Variants in NCOA7 observed in about 807,000 individuals in gnomAD.
NCOA7 encodes 140 kDa estrogen receptor-associated protein.
A neutral mutation model predicts 104.3 loss-of-function variants in NCOA7; 45 were observed. The observed-to-expected ratio is 0.43, with a 90% CI of 0.34 to 0.55. The LOEUF is 0.55. Ranked by LOEUF, NCOA7 falls within the 20% of genes least tolerant of loss-of-function variation. The pLI is 0.02. For synonymous variants in NCOA7, 398 were observed against 402.3 expected (o/e 0.99, Z 0.13); for missense variants, 1,041 against 1,119.7 (o/e 0.93, Z 1.00).
At chr6:125,900,065 C>T in intron 10 of NCOA7, 1 of 532,156 alleles carries the variant, frequency 1.9e-6, no homozygotes, top group Non-Finnish European at 3.9e-6. Flanking sequence ...TAAATGCCTG[C>T]AGGGGCTGTG....
chr6:125,869,942 G>A (rs905859069), intron 3 of NCOA7, among the ~76,000 whole-genome samples: 4 of 152,214 alleles, frequency 2.6e-5, no homozygotes, highest in African/African-American at 4.8e-5. Context: ...CCACAAATGT[G>A]TAGTAATTTG....
At chr6:125,887,244 G>A (rs1335979400) in intron 8 of NCOA7, among the ~76,000 whole-genome samples, 1 of 152,204 alleles carries the variant, frequency 6.6e-6, no homozygotes, top group Non-Finnish European at 1.5e-5. Context: ...TATTAATCAA[G>A]TATGTGGAAA....
chr6:125,888,804 A>ACC (rs1784426035), intron 8 of NCOA7, 135 bp from the exon 9 acceptor site: 1 of 542,528 alleles, frequency 1.8e-6, no homozygotes, highest in South Asian at 3.7e-5. Flanking sequence ...AATCATTTGA[A>ACC]CATAAATTTA....
intron 10 of NCOA7, among the ~76,000 whole-genome samples, chr6:125,910,233 C>A (rs905033507): frequency 6.6e-6 from 1 of 152,112 alleles, no homozygotes; most frequent in African/African-American, 2.4e-5. Flanking sequence ...AACACTGAGG[C>A]CTGGCTGATA....
chr6:125,809,620 G>C (rs1053267468), intron 1 of NCOA7, among the ~76,000 whole-genome samples: 9 of 152,178 alleles, frequency 5.9e-5, no homozygotes, highest in African/African-American at 2.2e-4. Flanking sequence ...TTAGATGACA[G>C]TGTGGCTTTG....
At chr6:125,810,833 A>T (rs1052252314) in intron 1 of NCOA7, among the ~76,000 whole-genome samples, 1 of 152,222 alleles carries the variant, frequency 6.6e-6, no homozygotes, top group South Asian at 2.1e-4. Flanking sequence ...AAAGATTAGC[A>T]TATTTTTCAT....
At chr6:125,927,870 C>G (rs999955263) in intron 14 of NCOA7, 112 bp downstream of exon 14, 2 of 918,484 alleles carry the variant, frequency 2.2e-6, no homozygotes, top group Non-Finnish European at 3.5e-6. Context: ...GAACTGACTC[C>G]GGGCTGGGTC....
At chr6:125,926,715 A>G (rs1379685369) in intron 13 of NCOA7, among the ~76,000 whole-genome samples, 1 of 152,242 alleles carries the variant, frequency 6.6e-6, no homozygotes, top group African/African-American at 2.4e-5. Flanking sequence ...GTGGTGAAGA[A>G]GACAGCACAC....
chr6:125,808,779 G>T (rs548114357), intron 1 of NCOA7, among the ~76,000 whole-genome samples: 7 of 152,180 alleles, frequency 4.6e-5, no homozygotes, highest in African/African-American at 1.4e-4. Flanking sequence ...AATCTCATTT[G>T]CATGTTCTTT....
intron 2 of NCOA7, among the ~76,000 whole-genome samples, chr6:125,834,738 G>A (rs1410749628): frequency 1.3e-5 from 2 of 152,194 alleles, no homozygotes; most frequent in Non-Finnish European, 2.9e-5. Context: ...TGTAGCCCAG[G>A]AGCATAGATT....
At chr6:125,879,020 T>C (rs539189062) in intron 5 of NCOA7, among the ~76,000 whole-genome samples, 1 of 152,170 alleles carries the variant, frequency 6.6e-6, no homozygotes, top group Non-Finnish European at 1.5e-5. Flanking sequence ...TACCTAATAC[T>C]TTTTTTAAGA....
chr6:125,931,408 C>G lies in NCOA7; in HGVS notation c.*2637C>G, dbSNP rs1788458954. ...TCCTCCTCTTAACATCTGTCTTAAC[C>G]TACTTCATAATTTCCGTAAGGGACA... is the stretch of plus-strand genomic sequence containing the variant. On this transcript the variant is annotated 3_prime_UTR_variant, in exon 16 of 16. Transcript: ENST00000392477. The G allele has an allele frequency of 6.6e-6, 1 of 152,142 alleles. No individual in the cohort carries two copies. The highest frequency in any genetic ancestry group is 1.5e-5 in the Non-Finnish European group (1 of 68,032). 9.4% of individuals were successfully genotyped at this position (152,142 alleles called of 1,614,324 possible). A position where few individuals can be genotyped will look rare whatever the true frequency, so the allele number is the denominator to read the frequency against.
chr6:125,881,091 T>A lies in NCOA7; in HGVS notation c.461T>A (p.Val154Asp). The part of the protein sequence containing the change: ...LFTHTIVPGQ[V>D]LFVPDANSPS... ...CCATCTGTTCTCTCCCATTCTCAGG[T>A]CCTTTTTGTGCCAGATGCCAACTCT... The change falls in exon 6 of 16, where the codon GTC becomes GAC. Residue 154 changes from valine to aspartate, a missense_variant and splice_region_variant. Val to Asp is a radical substitution (Grantham distance 152, BLOSUM62 -3). Coordinates refer to ENST00000392477, the MANE Select transcript of NCOA7 (RefSeq NM_181782.5). 1 of 1,610,340 alleles carries A rather than the reference T, an allele frequency of 6.2e-7. No homozygotes were observed. The highest frequency in any genetic ancestry group is 8.5e-7 in the Non-Finnish European group (1 of 1,176,668).
upstream of NCOA7, chr6:125,790,718 C>G (rs1774746556): frequency 6.6e-6 from 1 of 152,136 alleles, no homozygotes; most frequent in Non-Finnish European, 1.5e-5. Context: ...TCGCGCCACC[C>G]GTGACTGCCC....
At chr6:125,792,808 C>G (rs912130149) in intron 1 of NCOA7, among the ~76,000 whole-genome samples, 2 of 151,766 alleles carry the variant, frequency 1.3e-5, no homozygotes, top group East Asian at 3.9e-4. Flanking sequence ...AGGTTAACTG[C>G]ATCAAACTTT....
At chr6:125,803,359 T>A (rs1776095454) in intron 1 of NCOA7, among the ~76,000 whole-genome samples, 2 of 152,308 alleles carry the variant, frequency 1.3e-5, no homozygotes, top group South Asian at 4.1e-4. Flanking sequence ...TGTCAAAAAT[T>A]GAAGTTTCTT....
At chr6:125,802,787 C>T (rs560079728) in intron 1 of NCOA7, among the ~76,000 whole-genome samples, 2 of 152,174 alleles carry the variant, frequency 1.3e-5, no homozygotes, top group East Asian at 1.9e-4. Flanking sequence ...AGAAAAAGAA[C>T]GTATACCATA....
Position 125,922,846 on chromosome 6 carries a change from C to T in NCOA7, c.2523+12C>T, listed in dbSNP as rs746812153. The T allele has an allele frequency of 6.2e-7, 1 of 1,611,470 alleles. No homozygotes were observed. ...ATATGGATAATCAGGTGAGGCCTGT[C>T]CCTCTCATAAAGAATATTTTTTAAT... On this transcript the variant is annotated intron_variant, in intron 13 of 15. Coordinates refer to ENST00000392477, the MANE Select transcript of NCOA7 (RefSeq NM_181782.5).
chr6:125,855,108 A>G lies in NCOA7; in HGVS notation c.139A>G (p.Thr47Ala). The G allele has an allele frequency of 6.2e-7, 1 of 1,613,374 alleles. No individual in the cohort carries two copies. Among genetic ancestry groups the G allele is most frequent in the Non-Finnish European group, 8.5e-7 (1 of 1,179,768 alleles). Residue 47 changes from threonine (T) to alanine (A), a missense_variant, in exon 3 of 16, where the codon ACA (threonine) becomes GCA (alanine). This residue lies in a region of NCOA7 where 914 missense variants were observed against 942.7 expected (regional missense o/e 0.97). Coordinates refer to ENST00000392477, the MANE Select transcript of NCOA7 (RefSeq NM_181782.5). ...RTHTGKEDNN[T>A]VVLEPDKCNI... Reference sequence around the variant, plus strand: ...TCATACTGGGAAGGAAGATAATAATACAGTAGTTTTAGAGCCAGACAAGTG... The same window carrying G: ...TCATACTGGGAAGGAAGATAATAATGCAGTAGTTTTAGAGCCAGACAAGTG...
Sources: gnomAD v4.1 joint callset for allele counts (sites outside exome capture counted in the v4.1 genomes callset) on GRCh38, gnomAD v4.1.1 for gene constraint, gnomAD v4.1.1 regional missense constraint, MANE v1.5 for transcripts, NCBI Gene and HGNC (gene_info 2026-07-23, HGNC 2026-07-21) for gene names.